Variants in DHX8 observed in about 807,000 individuals in gnomAD.
DHX8 encodes ATP-dependent RNA helicase DHX8.
In DHX8, 67 loss-of-function variants were observed where a neutral mutation model predicts 140.7. That is an observed-to-expected ratio of 0.48 (90% CI 0.39 to 0.58). The LOEUF is 0.58. Ranked by LOEUF, DHX8 falls within the 20% of genes least tolerant of loss-of-function variation. The probability of loss-of-function intolerance (pLI) is 0.00; values close to 1 mark genes in which losing one functional copy is unlikely to be tolerated. For missense variants in DHX8, 887 were observed against 1,550.7 expected (o/e 0.57, Z 7.19); for synonymous variants, 533 against 553.2 (o/e 0.96, Z 0.51).
chr17:43,543,836 GT>G (rs1229532669), intron 3 of DHX8: 2 of 152,090 alleles, frequency 1.3e-5, no homozygotes, highest in Non-Finnish European at 2.9e-5. Context: ...TAGTCATTCT[GT>G]CAACATATAT....
chr17:43,512,711 C>T (rs1274678669), intron 16 of DHX8, among the ~76,000 whole-genome samples: 1 of 152,088 alleles, frequency 6.6e-6, no homozygotes, highest in Non-Finnish European at 1.5e-5. Flanking sequence ...TTCCGGTGCC[C>T]CCAGTGATGA....
At chr17:43,526,844 TTG>T (rs1332673860), downstream of DHX8, 8 of 506,168 alleles carry the variant, frequency 1.6e-5, no homozygotes, top group Admixed American at 2.0e-4. Flanking sequence ...CATTGATATT[TTG>T]TGTTTCTAGG....
chr17:43,508,148 C>G, intron 15 of DHX8, 129 bp downstream of exon 15: 1 of 1,147,360 alleles, frequency 8.7e-7, no homozygotes, highest in Non-Finnish European at 1.2e-6. Flanking sequence ...TCTCTGCAAG[C>G]CTCAGGCTTG....
chr17:43,484,724 C>G (rs1011891025), intron 1 of DHX8, among the ~76,000 whole-genome samples: 1 of 152,162 alleles, frequency 6.6e-6, no homozygotes, highest in Non-Finnish European at 1.5e-5. Flanking sequence ...TCACTGCAGC[C>G]TCCACCTCCT....
At chr17:43,520,993 T>G (rs997671683) in intron 20 of DHX8, 114 bp downstream of exon 20, 5 of 949,260 alleles carry the variant, frequency 5.3e-6, no homozygotes, top group Non-Finnish European at 7.4e-6. Flanking sequence ...TTTTTTGAGA[T>G]GGAGTCTCAC....
intron 22 of DHX8, 88 bp from the exon 23 acceptor site, chr17:43,523,540 A>G (rs1002421305): frequency 1.3e-6 from 2 of 1,558,984 alleles, no homozygotes; most frequent in Non-Finnish European, 1.7e-6. Flanking sequence ...ATAAAATGTA[A>G]GCTCAGCTGA....
At chr17:43,505,323 C>G (rs982954264) in intron 12 of DHX8, among the ~76,000 whole-genome samples, 1 of 152,008 alleles carries the variant, frequency 6.6e-6, no homozygotes, top group Non-Finnish European at 1.5e-5. Flanking sequence ...GCAGGAGAAT[C>G]GCTTGAATCA....
At chr17:43,519,138 CAT>C in intron 18 of DHX8, 1 of 152,204 alleles carries the variant, frequency 6.6e-6, no homozygotes, top group Non-Finnish European at 1.5e-5. Flanking sequence ...ATTGCTGGGT[CAT>C]GTGCTAATTC....
At chr17:43,533,051 G>A (rs1971032641) in intron 2 of DHX8, 15 of 1,492,818 alleles carry the variant, frequency 1.0e-5, no homozygotes, top group East Asian at 2.3e-5. Context: ...GTAGGGGGTT[G>A]GGGTGTCAGT....
At chr17:43,507,257 C>G in intron 13 of DHX8, 60 bp downstream of exon 13, 1 of 1,511,776 alleles carries the variant, frequency 6.6e-7, no homozygotes, top group South Asian at 1.3e-5. Flanking sequence ...GTCTCTTAAT[C>G]TATCAAATGG....
chr17:43,488,770 C>T (rs1005362225), intron 1 of DHX8, among the ~76,000 whole-genome samples: 1 of 152,080 alleles, frequency 6.6e-6, no homozygotes, highest in Non-Finnish European at 1.5e-5. Context: ...TACATGGGCT[C>T]ATGCTTTTTA....
At chr17:43,522,410 A>T (rs1304158469) in intron 22 of DHX8, among the ~76,000 whole-genome samples, 184 bp downstream of exon 22, 4 of 152,214 alleles carry the variant, frequency 2.6e-5, no homozygotes, top group East Asian at 1.9e-4. Flanking sequence ...GAGAATTAAA[A>T]TCATAGGGGT....
At chr17:43,536,650 T>C (rs1278746900) in intron 3 of DHX8, among the ~76,000 whole-genome samples, 1 of 152,242 alleles carries the variant, frequency 6.6e-6, no homozygotes, top group Non-Finnish European at 1.5e-5. Context: ...AATACACAAA[T>C]ACACTAACAC....
chr17:43,542,583 C>T (rs369374811), intron 3 of DHX8, among the ~76,000 whole-genome samples: 13 of 152,262 alleles, frequency 8.5e-5, no homozygotes, highest in East Asian at 3.9e-4. Flanking sequence ...AAATCAGACA[C>T]GCCCTCCTAG....
chr17:43,496,737 G>A (rs1006590893), intron 9 of DHX8, among the ~76,000 whole-genome samples: 1 of 151,552 alleles, frequency 6.6e-6, no homozygotes, highest in African/African-American at 2.4e-5. Flanking sequence ...CCGAGATCGC[G>A]CCACTGTACT....
rs370460831 is a variant in DHX8, at chr17:43,520,206, A to G, written c.2876A>G (p.Glu959Gly). The change falls in exon 19 of 23, where the codon GAG (glutamate) becomes GGG (glycine). Residue 959 changes from glutamate (E) to glycine (G), a missense_variant. Glu to Gly is a moderately conservative substitution (Grantham distance 98, BLOSUM62 -2). Transcript: ENST00000262415. ...ATGGAAACTTTGATCACAGCCATGG[A>G]GCAGCTGTACACACTGGGGGCCCTG... ...PPMETLITAMEQLYTLGALDD... is the reference protein window; with the variant it reads ...PPMETLITAMGQLYTLGALDD... The G allele has an allele frequency of 1.2e-6, 2 of 1,613,998 alleles. No individual in the cohort carries two copies. Among genetic ancestry groups the G allele is most frequent in the Non-Finnish European group, 1.7e-6 (2 of 1,180,036 alleles).
At chr17:43,492,087 C>A in intron 4 of DHX8, 96 bp from the exon 5 acceptor site, 1 of 827,412 alleles carries the variant, frequency 1.2e-6, no homozygotes, top group South Asian at 1.4e-5. Flanking sequence ...TTCTATTTCC[C>A]TCACATAGTG....
intron 2 of DHX8, chr17:43,532,958 A>G: frequency 6.5e-7 from 1 of 1,539,244 alleles, no homozygotes; most frequent in South Asian, 1.3e-5. Context: ...GGTTGGATGG[A>G]GAAGGAAGAG....
chr17:43,543,901 A>AT (rs1971657912), intron 3 of DHX8: 1 of 152,190 alleles, frequency 6.6e-6, no homozygotes, highest in South Asian at 2.1e-4. Flanking sequence ...CCAAGGATCT[A>AT]GTCAGGGGTC....
Sources: allele counts gnomAD v4.1 joint callset (sites outside exome capture counted in the v4.1 genomes callset), GRCh38; gene constraint gnomAD v4.1.1; transcripts MANE v1.5; gene names NCBI Gene and HGNC (gene_info 2026-07-23, HGNC 2026-07-21).